Variants in MXRA8 observed in about 807,000 individuals in gnomAD.
The protein encoded by MXRA8 is matrix remodeling associated 8, also known as matrix remodeling-associated protein 8.
In MXRA8, 44 loss-of-function variants were observed where a neutral mutation model predicts 51.4. That is an observed-to-expected ratio of 0.86 (90% CI 0.67 to 1.10). The LOEUF is 1.10. Ranked by LOEUF, MXRA8 falls within the 50% of genes least tolerant of loss-of-function variation. MXRA8 has a pLI of 0.00. For missense variants in MXRA8, 765 were observed against 638.9 expected (o/e 1.20, Z -2.13); for synonymous variants, 369 against 293.5 (o/e 1.26, Z -2.63).
In MXRA8 at chr1:1,353,091, C is replaced by T. The variant is rs3766183; in HGVS notation, c.*513G>A. On this transcript the variant is annotated 3_prime_UTR_variant, in exon 10 of 10. Coordinates refer to ENST00000309212, the MANE Select transcript of MXRA8 (RefSeq NM_032348.4). ...ATGGTGGTACAGGTGGGGGAGCTCT[C>T]GGTGGCAGGCAGCACCCCAGGAGGA... 562,460 of 641,296 alleles carry T rather than the reference C, an allele frequency of 0.88. 250,386 individuals are homozygous for T. The highest frequency in any genetic ancestry group is 0.93 in the Non-Finnish European group (335,237 of 358,680). The allele number at this position is 641,296 out of a possible 1,614,324, so 39.7% of individuals were successfully genotyped here.
At chr1:1,353,987 CTG>C (rs140777846) in intron 8 of MXRA8, 41 bp downstream of exon 8, 1,463,243 of 1,609,032 alleles carry the variant, frequency 0.91, 667,756 homozygotes, top group Non-Finnish European at 0.93. Context: ...CAGCCCGGGA[CTG>C]GGAGCCGCGC....
chr1:1,354,637 G>A lies in MXRA8; in HGVS notation c.949+45C>T, dbSNP rs1422253937. On this transcript the variant is annotated intron_variant, in intron 5 of 9. Coordinates refer to ENST00000309212, the MANE Select transcript of MXRA8 (RefSeq NM_032348.4). Reference sequence around the variant, plus strand: ...CAGCGGGCGCAGAGCAACCCCCGGTGGGGTGGGCTCCCGCCTTCCCGGGTC... The same window carrying A: ...CAGCGGGCGCAGAGCAACCCCCGGTAGGGTGGGCTCCCGCCTTCCCGGGTC... 5 of 1,539,356 alleles carry A rather than the reference G, an allele frequency of 3.2e-6. No individual in the cohort carries two copies. In the South Asian group the frequency reaches 6.2e-5, roughly 19 times the overall value.
In MXRA8 at chr1:1,354,514, G is replaced by A. The variant is rs199522385; in HGVS notation, c.950-5C>T. 1.9e-4 allele frequency: 300 copies of A among 1,610,510 alleles called. 1 individual carries two copies. The African/African-American group carries it at 3.5e-3, about 19-fold the overall frequency. ...GGCCGCGCGCCAGTGTGGGGTCTGC[G>A]GGGAACGCGGGGTCGGGGCGGCGTC... On this transcript the variant is annotated splice_region_variant and splice_polypyrimidine_tract_variant and intron_variant, in intron 5 of 9. Coordinates refer to ENST00000309212, the MANE Select transcript of MXRA8 (RefSeq NM_032348.4).
Position 1,355,166 on chromosome 1 carries a change from G to GCC in MXRA8, c.479-15_479-14insGG. 7.2e-7 allele frequency: 1 copy of GCC among 1,387,370 alleles called. No homozygotes were observed. The highest frequency in any genetic ancestry group is 3.0e-5 in the East Asian group (1 of 33,038). 85.9% of individuals were successfully genotyped at this position (1,387,370 alleles called of 1,614,324 possible). ...GGGTGGCCGGGGCTGCGGAGGGGGC[G>GCC]CGGTCAGCGGCGCGCGGGCCGGGGC... On this transcript the variant is annotated splice_polypyrimidine_tract_variant and intron_variant, in intron 4 of 9. Coordinates refer to ENST00000309212, the MANE Select transcript of MXRA8 (RefSeq NM_032348.4).
chr1:1,355,081 G>A lies in MXRA8; in HGVS notation c.550C>T (p.Leu184=). ...ACGTGCCCGCGGTTCACGCAGGTCA[G>A]AAGCGCGGGTGCGCCGCGCGCCACC... ...LAVARGAPAL[L]TCVNRGHVWT... is the part of the protein sequence containing the mutation. The change falls in exon 5 of 10, where the codon CTG becomes TTG. Residue 184 remains leucine (L), a synonymous_variant. Transcript: ENST00000309212. The A allele has an allele frequency of 6.4e-7, 1 of 1,570,782 alleles. No individual in the cohort carries two copies. The highest frequency in any genetic ancestry group is 8.6e-7 in the Non-Finnish European group (1 of 1,166,350).
Position 1,354,485 on chromosome 1 carries a change from T to C in MXRA8, c.974A>G (p.Asn325Ser), listed in dbSNP as rs201290201. 2.2e-5 allele frequency: 36 copies of C among 1,612,238 alleles called. No individual in the cohort carries two copies. The East Asian group carries it at 6.5e-4, about 29-fold the overall frequency. The change falls in exon 6 of 10, where the codon AAC (asparagine) becomes AGC (serine). Residue 325 changes from asparagine to serine, a missense_variant. Transcript: ENST00000309212. Reference protein sequence around the residue: ...GPDPTLARGHNVINVIVPESR... With the variant: ...GPDPTLARGHSVINVIVPESR... ...CTCGGGGACGATGACATTGATGACG[T>C]TGTGGCCGCGCGCCAGTGTGGGGTC...
chr1:1,360,292 G>A (rs1644204606), upstream of MXRA8, among the ~76,000 whole-genome samples: 1 of 152,242 alleles, frequency 6.6e-6, no homozygotes, highest in Admixed American at 6.5e-5. Context: ...CCTGGGGGCA[G>A]CTGACCCCCA....
upstream of MXRA8, chr1:1,361,251 C>G (rs1332331625): frequency 2.8e-6 from 2 of 703,416 alleles, no homozygotes; most frequent in Non-Finnish European, 5.2e-6. Flanking sequence ...CCTGTGGCCG[C>G]ACAGCGGATC....
At chr1:1,353,954 C>A in intron 8 of MXRA8, 26 bp from the exon 9 acceptor site, 1 of 1,604,788 alleles carries the variant, frequency 6.2e-7, no homozygotes, top group South Asian at 1.1e-5. Flanking sequence ...AGGCTGAGGT[C>A]CCCGCTCCCA....
Position 1,353,611 on chromosome 1 carries a change from C to T in MXRA8, c.1322G>A (p.Cys441Tyr). ...CAGGAGCCCAGGGCCTCCCTATTTG[C>T]AGTTCTCCTTCCGGAACCCTGGAAG... ...DLDKGFRKENCK is the reference protein window; with the variant it reads ...DLDKGFRKENYK The change falls in exon 10 of 10, where the codon TGC becomes TAC. Residue 441 changes from cysteine to tyrosine, a missense_variant. Cys to Tyr is a radical substitution (Grantham distance 194). Coordinates refer to ENST00000309212, the MANE Select transcript of MXRA8 (RefSeq NM_032348.4). The T allele has an allele frequency of 1.9e-6, 3 of 1,562,890 alleles. No homozygotes were observed. In the South Asian group the frequency reaches 3.5e-5, roughly 18 times the overall value.
rs74407891 is a variant in MXRA8 at position 1,353,986 on chromosome 1, ACT to A, written c.1222+42_1222+43del. 52 of 1,402,684 alleles carry A rather than the reference ACT, an allele frequency of 3.7e-5. 1 individual carries two copies. The highest frequency in any genetic ancestry group is 1.8e-4 in the Middle Eastern group (1 of 5,444). 86.9% of individuals were successfully genotyped at this position (1,402,684 alleles called of 1,614,324 possible). ...CCCAGGATGCACTTCCCAGCCCGGG[ACT>A]GGGAGCCGCGCCTGTGCCCTCGTGT... On this transcript the variant is annotated intron_variant, in intron 8 of 9. Coordinates refer to ENST00000309212, the MANE Select transcript of MXRA8 (RefSeq NM_032348.4).
At chr1:1,362,495 C>G (rs1644233027), upstream of MXRA8, among the ~76,000 whole-genome samples, 1 of 151,640 alleles carries the variant, frequency 6.6e-6, no homozygotes, top group African/African-American at 2.4e-5. Flanking sequence ...GCCACAAAGT[C>G]TCGGCCAGGC....
upstream of MXRA8, among the ~76,000 whole-genome samples, chr1:1,360,433 T>TC (rs1051624684): frequency 2.1e-5 from 3 of 145,354 alleles, no homozygotes; most frequent in African/African-American, 7.5e-5. Flanking sequence ...CACCTGCTCC[T>TC]CCCAGGGCCA....
rs189461195 is a variant in MXRA8, at chr1:1,354,006, C to T, written c.1222+24G>A. The T allele has an allele frequency of 2.0e-4, 326 of 1,611,952 alleles. 3 individuals carry two copies. The African/African-American group carries it at 3.9e-3, about 19-fold the overall frequency. ...CCGGGACTGGGAGCCGCGCCTGTGC[C>T]CTCGTGTCCCAGCACTGCCTCACCT... On this transcript the variant is annotated intron_variant, in intron 8 of 9. Coordinates refer to ENST00000309212, the MANE Select transcript of MXRA8 (RefSeq NM_032348.4).
Position 1,355,004 on chromosome 1 carries a change from C to T in MXRA8, c.627G>A (p.Arg209=), listed in dbSNP as rs376497659. 4 of 1,603,010 alleles carry T rather than the reference C, an allele frequency of 2.5e-6. No homozygotes were observed. The Admixed American group carries it at 6.8e-5, about 27-fold the overall frequency. The stretch of plus-strand genomic sequence containing the variant: ...GGTCGTGCGGGACCCCGGGCGGCTG[C>T]CGGTCCCAGTGCACCACCTGTTGAG... The part of the protein sequence containing the change: ...EEAQQVVHWD[R]QPPGVPHDRA... The change falls in exon 5 of 10, where the codon CGG becomes CGA. Residue 209 remains arginine, a synonymous_variant. Coordinates refer to ENST00000309212, the MANE Select transcript of MXRA8 (RefSeq NM_032348.4).
At chr1:1,360,897 G>T (rs1234795135), upstream of MXRA8, among the ~76,000 whole-genome samples, 1 of 150,048 alleles carries the variant, frequency 6.7e-6, no homozygotes, top group Non-Finnish European at 1.5e-5. Context: ...GAGACACACA[G>T]AGATACACAC....
At chr1:1,354,282 C>T (rs1483246487) in intron 6 of MXRA8, 50 bp from the exon 7 acceptor site, 3 of 1,602,156 alleles carry the variant, frequency 1.9e-6, no homozygotes, top group East Asian at 4.5e-5. Context: ...CCGCAGGTCC[C>T]CCAGCCCAGA....
upstream of MXRA8, chr1:1,358,766 C>G: frequency 8.0e-7 from 1 of 1,253,434 alleles, no homozygotes; most frequent in Non-Finnish European, 1.0e-6. Flanking sequence ...TGACCGCACC[C>G]TTGGAGGGAC....
At position 1,355,770 on chromosome 1, in the gene MXRA8, TC is replaced by T. The variant is rs1644114351; in HGVS notation, c.74-19del. On this transcript the variant is annotated intron_variant, in intron 2 of 9. Transcript: ENST00000309212. ...CGAGGACCCTGGTGGGGGAGGGGAG[TC>T]GGTGGGGGAAGGGGTGGGCCCCCTA... is the stretch of plus-strand genomic sequence containing the variant. 5.6e-6 allele frequency: 3 copies of T among 538,132 alleles called. No individual in the cohort carries two copies. The highest frequency in any genetic ancestry group is 1.7e-4 in the South Asian group (2 of 11,686). The allele number at this position is 538,132 out of a possible 1,614,324, so 33.3% of individuals were successfully genotyped here.
Sources: gnomAD v4.1 joint callset for allele counts (sites outside exome capture counted in the v4.1 genomes callset) on GRCh38, gnomAD v4.1.1 for gene constraint, MANE v1.5 for transcripts, NCBI Gene and HGNC (gene_info 2026-07-23, HGNC 2026-07-21) for gene names.